CMSS1: variants seen among roughly 807,000 people sequenced by gnomAD.
The protein encoded by CMSS1 is cms1 ribosomal small subunit homolog.
In CMSS1, 33 loss-of-function variants were observed where a neutral mutation model predicts 43.5. The observed-to-expected ratio is 0.76, with a 90% CI of 0.57 to 1.01. The LOEUF is 1.01. Ranked by LOEUF, CMSS1 falls within the 50% of genes least tolerant of loss-of-function variation. CMSS1 has a pLI of 0.00. For missense variants in CMSS1, 313 were observed against 326.4 expected, an observed-to-expected ratio of 0.96 and a Z score of 0.32; for synonymous variants, 115 against 117.2, an observed-to-expected ratio of 0.98 and a Z score of 0.12.
At chr3:99,880,411 A>G (rs1705684622) in intron 1 of CMSS1, among the ~76,000 whole-genome samples, 1 of 152,180 alleles carries the variant, frequency 6.6e-6, no homozygotes, top group African/African-American at 2.4e-5. Flanking sequence ...GCAGGTCTAT[A>G]TATATAGACC....
chr3:100,080,023 G>A lies in CMSS1; in HGVS notation c.65-66950G>A, dbSNP rs1312912569. Among the ~76,000 whole-genome samples the A allele has an allele frequency of 2.0e-5, 3 of 152,242 alleles. No homozygotes were observed. The East Asian group carries it at 5.8e-4, about 29-fold the overall frequency. ...AAGCAACTCAGAATTCACCATATGA[G>A]AAATTAAATGCTTCACAAAATTAAC... is the stretch of plus-strand genomic sequence containing the variant. On this transcript the variant is annotated intron_variant, in intron 1 of 9. Transcript: ENST00000421999.
intron 1 of CMSS1, among the ~76,000 whole-genome samples, chr3:100,003,807 C>T (rs1709910582): frequency 6.6e-6 from 1 of 152,102 alleles, no homozygotes; most frequent in African/African-American, 2.4e-5. Context: ...GAGCAATAAC[C>T]ATTAAGTTCT....
At chr3:100,120,261 C>T (rs1356529656) in intron 1 of CMSS1, among the ~76,000 whole-genome samples, 3 of 152,224 alleles carry the variant, frequency 2.0e-5, no homozygotes, top group Admixed American at 6.5e-5. Flanking sequence ...TAGCTATCAT[C>T]GTTCAGTAGC....
chr3:99,994,909 C>T (rs1709630345), intron 1 of CMSS1, among the ~76,000 whole-genome samples: 1 of 152,120 alleles, frequency 6.6e-6, no homozygotes, highest in Admixed American at 6.5e-5. Context: ...GGGTCCCTCC[C>T]ACAACACATG....
chr3:99,983,494 ATATATATATATATATG>A (rs1709230433), intron 1 of CMSS1, among the ~76,000 whole-genome samples: 5 of 119,012 alleles, frequency 4.2e-5, no homozygotes, highest in African/African-American at 1.7e-4. Context: ...ATATATATAT[ATATATATATATATATG>A]TATATATATA....
At position 99,891,028 on chromosome 3, in the gene CMSS1, A is replaced by T. The variant is rs541152932; in HGVS notation, c.64+72985A>T. ...TTTAAACTGAATTTTTTGACCTAGG[A>T]TCTTTGGGATTTTTTTCTTTTGTTT... is the stretch of plus-strand genomic sequence containing the variant. On this transcript the variant is annotated intron_variant, in intron 1 of 9. Coordinates refer to ENST00000421999, the MANE Select transcript of CMSS1 (RefSeq NM_032359.4). Among the ~76,000 whole-genome samples the T allele has an allele frequency of 4.0e-5, 6 of 151,224 alleles. No individual in the cohort carries two copies. In the South Asian group the frequency reaches 8.4e-4, roughly 21 times the overall value.
intron 1 of CMSS1, among the ~76,000 whole-genome samples, chr3:99,915,570 A>G (rs996773752): frequency 6.6e-6 from 1 of 152,102 alleles, no homozygotes; most frequent in Non-Finnish European, 1.5e-5. Context: ...CACCAAACTA[A>G]CATTTCTGTT....
intron 1 of CMSS1, among the ~76,000 whole-genome samples, chr3:100,024,676 G>T (rs1002052555): frequency 6.6e-6 from 1 of 152,194 alleles, no homozygotes; most frequent in African/African-American, 2.4e-5. Context: ...ATATACTAGT[G>T]AGTGACCTTC....
Position 100,172,335 on chromosome 3 carries a change from T to C in CMSS1, c.599T>C (p.Leu200Ser). ...GAACAGGTCCAGGCGCAGGTAAAGT[T>C]GCTGGAGAAGCGTGTGGTGCACCTG... ...KHIKVQAQVK[L>S]LEKRVVHLGV... Residue 200 changes from leucine (L) to serine (S), a missense_variant, in exon 8 of 10, where the codon TTG becomes TCG. Transcript: ENST00000421999. The C allele has an allele frequency of 6.2e-7, 1 of 1,613,908 alleles. No individual in the cohort carries two copies. Among genetic ancestry groups the C allele is most frequent in the Non-Finnish European group, 8.5e-7 (1 of 1,179,898 alleles).
At chr3:100,157,253 G>C (rs73144476) in intron 2 of CMSS1, among the ~76,000 whole-genome samples, 77 of 151,060 alleles carry the variant, frequency 5.1e-4, no homozygotes, top group Admixed American at 2.9e-3. Flanking sequence ...ATGCTTAACT[G>C]TTTTTCCCAT....
chr3:100,051,839 A>G (rs950001638), intron 1 of CMSS1, among the ~76,000 whole-genome samples: 4 of 149,088 alleles, frequency 2.7e-5, no homozygotes, highest in Admixed American at 6.7e-5. Flanking sequence ...ACATTTTATT[A>G]TATATATTTT....
At chr3:100,091,513 A>G (rs1321491380) in intron 1 of CMSS1, among the ~76,000 whole-genome samples, 2 of 152,256 alleles carry the variant, frequency 1.3e-5, no homozygotes, top group Non-Finnish European at 2.9e-5. Flanking sequence ...TTTGCAGCAC[A>G]AGCCTTCTAC....
chr3:100,020,539 A>T (rs181223991), intron 1 of CMSS1, among the ~76,000 whole-genome samples: 21 of 152,164 alleles, frequency 1.4e-4, no homozygotes, highest in African/African-American at 4.8e-4. Context: ...TGCTTTGGCC[A>T]TTCTGTTTTG....
intron 1 of CMSS1, among the ~76,000 whole-genome samples, chr3:99,986,284 G>A (rs921306607): frequency 6.6e-6 from 1 of 152,142 alleles, no homozygotes; most frequent in Non-Finnish European, 1.5e-5. Context: ...AGGAACAGGT[G>A]TTTTTTCATG....
intron 1 of CMSS1, among the ~76,000 whole-genome samples, chr3:99,945,892 C>G (rs1171644889): frequency 6.6e-6 from 1 of 152,198 alleles, no homozygotes; most frequent in African/African-American, 2.4e-5. Flanking sequence ...GTGGGAGAAG[C>G]CCTTGGGCTT....
At chr3:99,966,167 A>C (rs1166629264) in intron 1 of CMSS1, among the ~76,000 whole-genome samples, 1 of 152,210 alleles carries the variant, frequency 6.6e-6, no homozygotes, top group African/African-American at 2.4e-5. Flanking sequence ...GTAGGTGAGT[A>C]ATTCCTTAGA....
intron 1 of CMSS1, among the ~76,000 whole-genome samples, chr3:100,042,540 A>G (rs894687459): frequency 1.3e-5 from 2 of 152,152 alleles, no homozygotes; most frequent in Admixed American, 6.5e-5. Context: ...TACCAAGTGT[A>G]TTTTATTTTA....
chr3:99,851,838 T>A (rs1943711809), intron 1 of CMSS1, among the ~76,000 whole-genome samples: 1 of 152,180 alleles, frequency 6.6e-6, no homozygotes, highest in Admixed American at 6.5e-5. Context: ...TTCACATATA[T>A]CTTATCCTCA....
intron 1 of CMSS1, among the ~76,000 whole-genome samples, chr3:99,899,683 C>G (rs930691208): frequency 2.0e-5 from 3 of 152,144 alleles, no homozygotes; most frequent in Non-Finnish European, 4.4e-5. Context: ...GCTTTGGACT[C>G]CCACCTCCTT....
Sources: allele counts gnomAD v4.1 joint callset (sites outside exome capture counted in the v4.1 genomes callset), GRCh38; gene constraint gnomAD v4.1.1; transcripts MANE v1.5; gene names NCBI Gene and HGNC (gene_info 2026-07-23, HGNC 2026-07-21).